Variants in CD164 observed in about 807,000 individuals in gnomAD.
CD164 encodes the protein sialomucin core protein 24.
In CD164, 11 loss-of-function variants were observed where a neutral mutation model predicts 24.6. The ratio of observed to expected loss-of-function variants is 0.45; its 90% confidence interval spans 0.28 to 0.74. The LOEUF (loss-of-function observed/expected upper bound fraction) is 0.74. Ranked by LOEUF, CD164 falls within the 30% of genes least tolerant of loss-of-function variation. CD164 has a pLI of 0.13. For missense variants in CD164, 295 were observed against 243.7 expected, an observed-to-expected ratio of 1.21 and a Z score of -1.40; for synonymous variants, 126 against 100.3, an observed-to-expected ratio of 1.26 and a Z score of -1.53.
intron 4 of CD164, chr6:109,371,965 A>G (rs1771099185): frequency 6.6e-6 from 1 of 152,204 alleles, no homozygotes; most frequent in African/African-American, 2.4e-5. Context: ...GCAAACATTC[A>G]TTTTTGTACT....
chr6:109,368,882 T>A lies in CD164; in HGVS notation c.563A>T (p.Lys188Ile). ...AVIFFLYKFC[K>I]SKERNYHTL is the part of the protein sequence containing the mutation. Reference sequence around the variant, plus strand: ...AGTGTGGTAATTTCGTTCTTTAGATTTGCAGAATTTATAAAGAAAGAAAAT... The same window carrying A: ...AGTGTGGTAATTTCGTTCTTTAGATATGCAGAATTTATAAAGAAAGAAAAT... Residue 188 changes from lysine (K) to isoleucine (I), a missense_variant, in exon 6 of 6, where the codon AAA becomes ATA. Coordinates refer to ENST00000310786, the MANE Select transcript of CD164 (RefSeq NM_006016.6). The A allele has an allele frequency of 6.2e-7, 1 of 1,613,400 alleles. No homozygotes were observed. The highest frequency in any genetic ancestry group is 8.5e-7 in the Non-Finnish European group (1 of 1,179,730).
intron 4 of CD164, chr6:109,371,887 G>A (rs1211780951): frequency 6.6e-6 from 1 of 152,450 alleles, no homozygotes; most frequent in African/African-American, 2.4e-5. Flanking sequence ...CGCTAGGGAT[G>A]ATCTGGGGAA....
At chr6:109,370,718 G>C in intron 4 of CD164, 1 of 359,296 alleles carries the variant, frequency 2.8e-6, no homozygotes, top group South Asian at 3.1e-5. Flanking sequence ...TAAAATCTAT[G>C]TATACATCTG....
At position 109,377,397 on chromosome 6, in the gene CD164, A is replaced by G. The variant is rs1771471560; in HGVS notation, c.331+503T>C. ...CTCATTGGAAAAATCAGCAGCTTCA[A>G]GTAGAATTTTAACGTTTTGCTGGAC... On this transcript the variant is annotated intron_variant, in intron 3 of 5. Transcript: ENST00000310786. 2.0e-5 allele frequency among the ~76,000 whole-genome samples: 3 copies of G among 152,196 alleles called. No individual in the cohort carries two copies. In the South Asian group the frequency reaches 6.2e-4, roughly 32 times the overall value.
intron 1 of CD164, chr6:109,381,701 G>A (rs1469015359): frequency 9.4e-6 from 6 of 637,130 alleles, no homozygotes; most frequent in South Asian, 3.5e-5. Context: ...AGACACGAAC[G>A]AGCATTACCG....
intron 1 of CD164, chr6:109,381,719 G>A: frequency 1.6e-6 from 1 of 606,638 alleles, no homozygotes; most frequent in East Asian, 2.9e-5. Context: ...CCGTCTTTAA[G>A]TTTCTCTTTC....
chr6:109,376,045 A>G, intron 4 of CD164, 29 bp downstream of exon 4: 1 of 1,533,980 alleles, frequency 6.5e-7, no homozygotes, highest in Non-Finnish European at 8.8e-7. Context: ...TACTGAAGGA[A>G]AAGGAAGAAA....
chr6:109,376,369 C>T (rs1222841379), intron 3 of CD164, among the ~76,000 whole-genome samples: 3 of 152,190 alleles, frequency 2.0e-5, no homozygotes, highest in African/African-American at 7.2e-5. Flanking sequence ...TCCAGGCCAT[C>T]ACGCATAACC....
intron 1 of CD164, chr6:109,381,522 G>C (rs1044200792): frequency 1.0e-5 from 7 of 702,442 alleles, no homozygotes; most frequent in African/African-American, 5.2e-5. Context: ...TTAGCCTTAG[G>C]ATACGTACGC....
chr6:109,369,413 A>T (rs1770959999), intron 5 of CD164, among the ~76,000 whole-genome samples: 1 of 152,242 alleles, frequency 6.6e-6, no homozygotes, highest in Non-Finnish European at 1.5e-5. Flanking sequence ...AGTATAAGGT[A>T]AAATATTTGG....
rs1353825029 is a variant in CD164 at position 109,366,786 on chromosome 6, G to A, written c.*2065C>T. 2 of 152,504 alleles carry A rather than the reference G, an allele frequency of 1.3e-5. No individual in the cohort carries two copies. The highest frequency in any genetic ancestry group is 1.3e-4 in the Admixed American group (2 of 15,264). 9.4% of individuals were successfully genotyped at this position (152,504 alleles called of 1,614,324 possible). On this transcript the variant is annotated 3_prime_UTR_variant, in exon 6 of 6. Coordinates refer to ENST00000310786, the MANE Select transcript of CD164 (RefSeq NM_006016.6). Reference sequence around the variant, plus strand: ...AGATACTACATTGCTAAAGTTAGGGGAAAAAAGTAAAAAGGCTGTGAGTTC... The same window carrying A: ...AGATACTACATTGCTAAAGTTAGGGAAAAAAAGTAAAAAGGCTGTGAGTTC...
In CD164 at chr6:109,367,956, G is replaced by A. The variant is rs1328531783; in HGVS notation, c.*895C>T. The A allele has an allele frequency of 3.5e-5, 7 of 198,018 alleles. No homozygotes were observed. In the East Asian group the frequency reaches 7.7e-4, roughly 22 times the overall value. 12.3% of individuals were successfully genotyped at this position (198,018 alleles called of 1,614,324 possible). Reference sequence around the variant, plus strand: ...CAATTTAGCTCTATACTTTTCAACAGCCATAAGAAAAATGTTGGGAGGTTC... The same window carrying A: ...CAATTTAGCTCTATACTTTTCAACAACCATAAGAAAAATGTTGGGAGGTTC... On this transcript the variant is annotated 3_prime_UTR_variant, in exon 6 of 6. Transcript: ENST00000310786.
chr6:109,370,505 A>C (rs1771020191), intron 4 of CD164, 38 bp from the exon 5 acceptor site: 1 of 1,541,628 alleles, frequency 6.5e-7, no homozygotes, highest in Non-Finnish European at 8.9e-7. Context: ...AAAAACCTTA[A>C]ATTTCTAGCT....
rs575499410 is a variant in CD164 at position 109,381,909 on chromosome 6, G to A, written c.175+295C>T. 1,670 of 453,904 alleles carry A rather than the reference G, an allele frequency of 3.7e-3. 4 individuals carry two copies. Among genetic ancestry groups the A allele is most frequent in the Non-Finnish European group, 4.8e-3 (1,236 of 256,198 alleles). 28.1% of individuals were successfully genotyped at this position (453,904 alleles called of 1,614,324 possible). A position where few individuals can be genotyped will look rare whatever the true frequency, so the allele number is the denominator to read the frequency against. On this transcript the variant is annotated intron_variant, in intron 1 of 5. Transcript: ENST00000310786. ...GTCCCCATTTCCGACCCCAAGTGAGGCTAGGAATTACGATGCACTTTTAAA... is the reference window on the plus strand; with the variant it reads ...GTCCCCATTTCCGACCCCAAGTGAGACTAGGAATTACGATGCACTTTTAAA...
chr6:109,371,255 CT>C (rs931343298), intron 4 of CD164: 323 of 146,226 alleles, frequency 2.2e-3, no homozygotes, highest in Non-Finnish European at 2.7e-3. Context: ...CTAAAGCACT[CT>C]TTTTTTTTTT....
intron 4 of CD164, among the ~76,000 whole-genome samples, chr6:109,375,245 C>T (rs982089124): frequency 6.6e-6 from 1 of 152,046 alleles, no homozygotes; most frequent in African/African-American, 2.4e-5. Context: ...ATGTTCACTG[C>T]ATGGAGAATG....
intron 2 of CD164, among the ~76,000 whole-genome samples, chr6:109,378,738 TA>T (rs901970057): frequency 6.6e-6 from 1 of 151,514 alleles, no homozygotes; most frequent in South Asian, 2.1e-4. Context: ...TTTTATGACC[TA>T]AAAAAAAGAG....
chr6:109,370,669 CA>C (rs1251992451), intron 4 of CD164: 28 of 494,886 alleles, frequency 5.7e-5, no homozygotes, highest in Admixed American at 4.3e-4. Flanking sequence ...AAACAATAAG[CA>C]ATCATAAAAT....
intron 4 of CD164, among the ~76,000 whole-genome samples, chr6:109,373,743 C>CA (rs1261479980): frequency 6.6e-6 from 1 of 152,226 alleles, no homozygotes; most frequent in Non-Finnish European, 1.5e-5. Flanking sequence ...CCTACTTAGT[C>CA]AATGTCTTCT....
Sources: allele counts gnomAD v4.1 joint callset (sites outside exome capture counted in the v4.1 genomes callset), GRCh38; gene constraint gnomAD v4.1.1; transcripts MANE v1.5; gene names NCBI Gene and HGNC (gene_info 2026-07-23, HGNC 2026-07-21).